ZCCHC3: variants seen among roughly 807,000 people sequenced by gnomAD.
The protein encoded by ZCCHC3 is zinc finger CCHC-type containing 3.
ZCCHC3 carries 20 observed loss-of-function variants against 18.4 expected under a neutral mutation model. The observed-to-expected ratio is 1.09, with a 90% CI of 0.76 to 1.58. ZCCHC3 has a LOEUF of 1.58. ZCCHC3 is among the 40% of genes most tolerant of loss of function. The pLI is 0.00. For synonymous variants in ZCCHC3, 310 were observed against 232.7 expected (o/e 1.33, Z -3.02); for missense variants, 548 against 511.2 (o/e 1.07, Z -0.69).
Position 298,024 on chromosome 20 carries a change from C to A in ZCCHC3, c.438C>A (p.Ala146=), listed in dbSNP as rs1600197005. Residue 146 remains alanine (A), a synonymous_variant, in exon 1 of 1, where the codon GCC becomes GCA. Coordinates refer to ENST00000500893, the MANE Select transcript of ZCCHC3 (RefSeq NM_033089.7). ...PARPGEAEDA[A]ERPLQDEPAA... ...GGCCCGGCGAGGCCGAGGACGCGGC[C>A]GAGCGGCCCCTCCAGGATGAGCCGG... 5 of 1,431,044 alleles carry A rather than the reference C, an allele frequency of 3.5e-6. No homozygotes were observed. Among genetic ancestry groups the A allele is most frequent in the Non-Finnish European group, 3.6e-6 (4 of 1,098,374 alleles). 88.6% of individuals were successfully genotyped at this position (1,431,044 alleles called of 1,614,324 possible).
In ZCCHC3 at chr20:298,708, C is replaced by T; in HGVS notation, c.1122C>T (p.Leu374=). Residue 374 remains leucine (L), a synonymous_variant, in exon 1 of 1, where the codon CTC becomes CTT. Transcript: ENST00000500893. ...GCCGGAAGGGCATCGTGTGCAACCTCTGTGGCAAGCGAGGACACGCCTTTG... is the reference window on the plus strand; with the variant it reads ...GCCGGAAGGGCATCGTGTGCAACCTTTGTGGCAAGCGAGGACACGCCTTTG... ...PYCRKGIVCN[L]CGKRGHAFAQ... is the part of the protein sequence containing the mutation. 6.2e-7 allele frequency: 1 copy of T among 1,608,696 alleles called. No individual in the cohort carries two copies. The highest frequency in any genetic ancestry group is 2.2e-5 in the East Asian group (1 of 44,858).
chr20:297,871 G>C lies in ZCCHC3; in HGVS notation c.285G>C (p.Gly95=). Residue 95 remains glycine, a synonymous_variant, in exon 1 of 1, where the codon GGG becomes GGC. Transcript: ENST00000500893. ...DLGDFPPAGR[G]DPKGRRRDPA... Reference sequence around the variant, plus strand: ...GCGACTTCCCACCGGCTGGCCGCGGGGATCCGAAGGGCCGTCGGAGAGATC... The same window carrying C: ...GCGACTTCCCACCGGCTGGCCGCGGCGATCCGAAGGGCCGTCGGAGAGATC... The C allele has an allele frequency of 2.4e-6, 3 of 1,246,502 alleles. No homozygotes were observed. The highest frequency in any genetic ancestry group is 3.0e-6 in the Non-Finnish European group (3 of 995,234). The allele number at this position is 1,246,502 out of a possible 1,614,324, so 77.2% of individuals were successfully genotyped here. A position where few individuals can be genotyped will look rare whatever the true frequency, so the allele number is the denominator to read the frequency against.
chr20:297,921 G>C lies in ZCCHC3; in HGVS notation c.335G>C (p.Arg112Pro). The C allele has an allele frequency of 7.9e-7, 1 of 1,265,674 alleles. No homozygotes were observed. The highest frequency in any genetic ancestry group is 9.9e-7 in the Non-Finnish European group (1 of 1,007,340). The allele number at this position is 1,265,674 out of a possible 1,614,324, so 78.4% of individuals were successfully genotyped here. Residue 112 changes from arginine (R) to proline (P), a missense_variant, in exon 1 of 1, where the codon CGC becomes CCC. Physicochemically the swap from Arg to Pro is moderately radical, Grantham distance 103. Transcript: ENST00000500893. ...RDPAGEAVDP[R>P]KKKGAAEAGR... ...CCGGCCGGCGAGGCGGTGGACCCCC[G>C]CAAAAAGAAGGGCGCTGCGGAGGCG...
At position 297,829 on chromosome 20, in the gene ZCCHC3, G is replaced by A; in HGVS notation, c.243G>A (p.Leu81=). 1 of 1,260,524 alleles carries A rather than the reference G, an allele frequency of 7.9e-7. No homozygotes were observed. Among genetic ancestry groups the A allele is most frequent in the Non-Finnish European group, 1.0e-6 (1 of 1,003,600 alleles). The allele number at this position is 1,260,524 out of a possible 1,614,324, so 78.1% of individuals were successfully genotyped here. A position where few individuals can be genotyped will look rare whatever the true frequency, so the allele number is the denominator to read the frequency against. Reference sequence around the variant, plus strand: ...CCGGGCTCGGCGGCCCCGCGGGCCTGGCGGCGCCGGACCTCGGCGACTTCC... The same window carrying A: ...CCGGGCTCGGCGGCCCCGCGGGCCTAGCGGCGCCGGACCTCGGCGACTTCC... ...GSAGLGGPAG[L]AAPDLGDFPP... The change falls in exon 1 of 1, where the codon CTG becomes CTA. Residue 81 remains leucine, a synonymous_variant. Transcript: ENST00000500893.
At position 298,081 on chromosome 20, in the gene ZCCHC3, C is replaced by T. The variant is rs1277929861; in HGVS notation, c.495C>T (p.Phe165=). ...AAAAGPGKGR[F]LVRICFQGDE... Reference sequence around the variant, plus strand: ...CGGCAGGCCCGGGCAAGGGTCGCTTCCTCGTCCGCATCTGTTTCCAGGGAG... The same window carrying T: ...CGGCAGGCCCGGGCAAGGGTCGCTTTCTCGTCCGCATCTGTTTCCAGGGAG... Residue 165 remains phenylalanine, a synonymous_variant, in exon 1 of 1, where the codon TTC becomes TTT. Coordinates refer to ENST00000500893, the MANE Select transcript of ZCCHC3 (RefSeq NM_033089.7). 3.2e-6 allele frequency: 5 copies of T among 1,567,314 alleles called. 1 individual carries two copies. The highest frequency in any genetic ancestry group is 2.3e-5 in the South Asian group (2 of 87,840).
Position 297,969 on chromosome 20 carries a change from C to A in ZCCHC3, c.383C>A (p.Ala128Glu). The change falls in exon 1 of 1, where the codon GCG becomes GAG. Residue 128 changes from alanine (A) to glutamate (E), a missense_variant. Ala to Glu is a moderately radical substitution (Grantham distance 107). Coordinates refer to ENST00000500893, the MANE Select transcript of ZCCHC3 (RefSeq NM_033089.7). ...AEAGRRKKAE[A>E]AAAAMATPAR... is the part of the protein sequence containing the mutation. ...GCGGGCAGGAGGAAGAAGGCCGAGGCGGCGGCGGCCGCCATGGCGACCCCG... is the reference window on the plus strand; with the variant it reads ...GCGGGCAGGAGGAAGAAGGCCGAGGAGGCGGCGGCCGCCATGGCGACCCCG... 1.5e-6 allele frequency: 2 copies of A among 1,303,506 alleles called. No individual in the cohort carries two copies. The highest frequency in any genetic ancestry group is 2.5e-5 in the South Asian group (1 of 39,646). 80.7% of individuals were successfully genotyped at this position (1,303,506 alleles called of 1,614,324 possible).
In ZCCHC3 at chr20:300,175, T is replaced by C. The variant is rs1037407286; in HGVS notation, c.*1377T>C. ...GAGGTCATGGGCCAACTAAGTGTTA[T>C]CCAGTAGAAAAGACAGTACACTGCT... On this transcript the variant is annotated 3_prime_UTR_variant, in exon 1 of 1. Transcript: ENST00000500893. The C allele has an allele frequency of 1.2e-5, 2 of 167,120 alleles. No homozygotes were observed. The highest frequency in any genetic ancestry group is 6.5e-5 in the Admixed American group (1 of 15,288). 10.4% of individuals were successfully genotyped at this position (167,120 alleles called of 1,614,324 possible). A position where few individuals can be genotyped will look rare whatever the true frequency, so the allele number is the denominator to read the frequency against.
chr20:300,266 AATTG>A lies in ZCCHC3; in HGVS notation c.*1473_*1476del. ...TATTTCCTTGTGGCTTAGAATGTAAAATTGATTGTTAAAAGTTTTGTTCTGAATA... is the reference window on the plus strand; with the variant it reads ...TATTTCCTTGTGGCTTAGAATGTAAAATTGTTAAAAGTTTTGTTCTGAATA... On this transcript the variant is annotated 3_prime_UTR_variant, in exon 1 of 1. Coordinates refer to ENST00000500893, the MANE Select transcript of ZCCHC3 (RefSeq NM_033089.7). 1 of 167,070 alleles carries A rather than the reference AATTG, an allele frequency of 6.0e-6. No individual in the cohort carries two copies. Among genetic ancestry groups the A allele is most frequent in the South Asian group, 2.1e-4 (1 of 4,822 alleles). 10.3% of individuals were successfully genotyped at this position (167,070 alleles called of 1,614,324 possible).
Position 297,921 on chromosome 20 carries a change from G to T in ZCCHC3, c.335G>T (p.Arg112Leu). ...RDPAGEAVDP[R>L]KKKGAAEAGR... ...CCGGCCGGCGAGGCGGTGGACCCCCGCAAAAAGAAGGGCGCTGCGGAGGCG... is the reference window on the plus strand; with the variant it reads ...CCGGCCGGCGAGGCGGTGGACCCCCTCAAAAAGAAGGGCGCTGCGGAGGCG... Residue 112 changes from arginine to leucine, a missense_variant, in exon 1 of 1, where the codon CGC (arginine) becomes CTC (leucine). Arg to Leu is a moderately radical substitution (Grantham distance 102). Transcript: ENST00000500893. 1.6e-6 allele frequency: 2 copies of T among 1,265,672 alleles called. No individual in the cohort carries two copies. Among genetic ancestry groups the T allele is most frequent in the East Asian group, 6.5e-5 (2 of 30,940 alleles). The allele number at this position is 1,265,672 out of a possible 1,614,324, so 78.4% of individuals were successfully genotyped here. A position where few individuals can be genotyped will look rare whatever the true frequency, so the allele number is the denominator to read the frequency against.
In ZCCHC3 at chr20:298,882, G is replaced by C. The variant is rs1021107005; in HGVS notation, c.*84G>C. ...ACTTTTTTTTAAACCATTTTTTATC[G>C]TTTTTGAAGGAGATCTTTTTAAAAC... On this transcript the variant is annotated 3_prime_UTR_variant, in exon 1 of 1. Transcript: ENST00000500893. The C allele has an allele frequency of 7.1e-7, 1 of 1,410,360 alleles. No homozygotes were observed. Among genetic ancestry groups the C allele is most frequent in the African/African-American group, 1.5e-5 (1 of 68,668 alleles). 87.4% of individuals were successfully genotyped at this position (1,410,360 alleles called of 1,614,324 possible).
Position 297,782 on chromosome 20 carries a change from A to AGCGGCG in ZCCHC3, c.201_206dup (p.Gly70_Gly71dup), listed in dbSNP as rs1485859543. The AGCGGCG allele has an allele frequency of 7.3e-7, 1 of 1,365,058 alleles. No individual in the cohort carries two copies. The highest frequency in any genetic ancestry group is 3.4e-5 in the Admixed American group (1 of 29,646). The allele number at this position is 1,365,058 out of a possible 1,614,324, so 84.6% of individuals were successfully genotyped here. A position where few individuals can be genotyped will look rare whatever the true frequency, so the allele number is the denominator to read the frequency against. On this transcript the variant is annotated inframe_insertion, in exon 1 of 1. Transcript: ENST00000500893. ...GCGGCCGCCGCGGCGGGAGGAGGAAAGCGGCGGCGGTGGAGGGAGCGCCGG... is the reference window on the plus strand; with the variant it reads ...GCGGCCGCCGCGGCGGGAGGAGGAAAGCGGCGGCGGCGGCGGTGGAGGGAGCGCCGG...
chr20:299,151 T>G lies in ZCCHC3; in HGVS notation c.*353T>G. On this transcript the variant is annotated 3_prime_UTR_variant, in exon 1 of 1. Transcript: ENST00000500893. ...CCCCATACCTTTTCTTCCCCTGGAT[T>G]TTCACCCTTTGGGCTGCCTTGCTCA... is the stretch of plus-strand genomic sequence containing the variant. 5.6e-6 allele frequency: 1 copy of G among 180,056 alleles called. No individual in the cohort carries two copies. The highest frequency in any genetic ancestry group is 1.2e-5 in the Non-Finnish European group (1 of 82,596). 11.2% of individuals were successfully genotyped at this position (180,056 alleles called of 1,614,324 possible).
In ZCCHC3 at chr20:298,250, C is replaced by T. The variant is rs1189327079; in HGVS notation, c.664C>T (p.Leu222=). 3.2e-6 allele frequency: 3 copies of T among 943,830 alleles called. No individual in the cohort carries two copies. The highest frequency in any genetic ancestry group is 5.3e-6 in the Non-Finnish European group (3 of 566,984). The allele number at this position is 943,830 out of a possible 1,614,324, so 58.5% of individuals were successfully genotyped here. ...CGTGAGCTTCCGCTCAGCGGAGAAGCTGGCCCTGTTCCTACGCGTCTACGA... is the reference window on the plus strand; with the variant it reads ...CGTGAGCTTCCGCTCAGCGGAGAAGTTGGCCCTGTTCCTACGCGTCTACGA... ...FDVSFRSAEK[L]ALFLRVYEEK... Residue 222 remains leucine (L), a synonymous_variant, in exon 1 of 1, where the codon CTG becomes TTG. Transcript: ENST00000500893.
chr20:298,172 G>C lies in ZCCHC3; in HGVS notation c.586G>C (p.Asp196His), dbSNP rs1410793073. The change falls in exon 1 of 1, where the codon GAC becomes CAC. Residue 196 changes from aspartate (D) to histidine (H), a missense_variant. Physicochemically the swap from Asp to His is moderately conservative, Grantham distance 81. Coordinates refer to ENST00000500893, the MANE Select transcript of ZCCHC3 (RefSeq NM_033089.7). ...GCTTATCCTGCGCTCCATCGGCATGGACCCGAGCGACATCTACGCGGTCAT... is the reference window on the plus strand; with the variant it reads ...GCTTATCCTGCGCTCCATCGGCATGCACCCGAGCGACATCTACGCGGTCAT... Reference protein sequence around the residue: ...GALILRSIGMDPSDIYAVIQI... With the variant: ...GALILRSIGMHPSDIYAVIQI... 6.8e-7 allele frequency: 1 copy of C among 1,468,506 alleles called. No homozygotes were observed. The highest frequency in any genetic ancestry group is 9.5e-7 in the Non-Finnish European group (1 of 1,047,342). 91.0% of individuals were successfully genotyped at this position (1,468,506 alleles called of 1,614,324 possible).
chr20:298,267 C>G lies in ZCCHC3; in HGVS notation c.681C>G (p.Arg227=). ...RSAEKLALFL[R]VYEEKREQED... ...CGGAGAAGCTGGCCCTGTTCCTACG[C>G]GTCTACGAGGAGAAGCGGGAGCAGG... Residue 227 remains arginine, a synonymous_variant, in exon 1 of 1, where the codon CGC becomes CGG. Transcript: ENST00000500893. 1 of 873,596 alleles carries G rather than the reference C, an allele frequency of 1.1e-6. No homozygotes were observed. The highest frequency in any genetic ancestry group is 2.0e-6 in the Non-Finnish European group (1 of 502,828). The allele number at this position is 873,596 out of a possible 1,614,324, so 54.1% of individuals were successfully genotyped here.
Position 298,150 on chromosome 20 carries a change from T to G in ZCCHC3, c.564T>G (p.Leu188=). The G allele has an allele frequency of 4.5e-6, 7 of 1,542,598 alleles. No homozygotes were observed. The highest frequency in any genetic ancestry group is 1.4e-5 in the African/African-American group (1 of 73,642). ...CPTRDFVVGA[L]ILRSIGMDPS... is the part of the protein sequence containing the mutation. ...CCCGGGACTTCGTGGTAGGAGCGCT[T>G]ATCCTGCGCTCCATCGGCATGGACC... is the stretch of plus-strand genomic sequence containing the variant. The change falls in exon 1 of 1, where the codon CTT becomes CTG. Residue 188 remains leucine (L), a synonymous_variant. Transcript: ENST00000500893.
Position 297,791 on chromosome 20 carries a change from G to A in ZCCHC3, c.205G>A (p.Gly69Ser). 2.3e-6 allele frequency: 3 copies of A among 1,328,088 alleles called. No individual in the cohort carries two copies. Among genetic ancestry groups the A allele is most frequent in the East Asian group, 3.1e-5 (1 of 31,992 alleles). The allele number at this position is 1,328,088 out of a possible 1,614,324, so 82.3% of individuals were successfully genotyped here. ...PPRREEESGG[G>S]GGSAGLGGPA... ...GCGGCGGGAGGAGGAAAGCGGCGGC[G>A]GTGGAGGGAGCGCCGGGCTCGGCGG... The change falls in exon 1 of 1, where the codon GGT becomes AGT. Residue 69 changes from glycine (G) to serine (S), a missense_variant. Coordinates refer to ENST00000500893, the MANE Select transcript of ZCCHC3 (RefSeq NM_033089.7).
chr20:299,647 A>G lies in ZCCHC3; in HGVS notation c.*849A>G, dbSNP rs563459869. 6.0e-6 allele frequency: 1 copy of G among 167,204 alleles called. No homozygotes were observed. Among genetic ancestry groups the G allele is most frequent in the East Asian group, 1.9e-4 (1 of 5,196 alleles). The allele number at this position is 167,204 out of a possible 1,614,324, so 10.4% of individuals were successfully genotyped here. A position where few individuals can be genotyped will look rare whatever the true frequency, so the allele number is the denominator to read the frequency against. Reference sequence around the variant, plus strand: ...AGCCAGCCTATAGTAGAGTCCCCTGACCCCAAGCCCGGTGCTCATTCCACT... The same window carrying G: ...AGCCAGCCTATAGTAGAGTCCCCTGGCCCCAAGCCCGGTGCTCATTCCACT... On this transcript the variant is annotated 3_prime_UTR_variant, in exon 1 of 1. Transcript: ENST00000500893.
chr20:300,136 G>A lies in ZCCHC3; in HGVS notation c.*1338G>A, dbSNP rs1264329277. The A allele has an allele frequency of 6.0e-6, 1 of 167,136 alleles. No individual in the cohort carries two copies. The highest frequency in any genetic ancestry group is 1.5e-5 in the Non-Finnish European group (1 of 68,130). The allele number at this position is 167,136 out of a possible 1,614,324, so 10.4% of individuals were successfully genotyped here. On this transcript the variant is annotated 3_prime_UTR_variant, in exon 1 of 1. Transcript: ENST00000500893. ...TGTTAACTCTAAAATGTACTTGGGA[G>A]ATAGGCCAAGCGAGAGGTCATGGGC...
Sources: allele counts gnomAD v4.1 joint callset, GRCh38; gene constraint gnomAD v4.1.1; transcripts MANE v1.5; gene names NCBI Gene and HGNC (gene_info 2026-07-23, HGNC 2026-07-21).